Variants in CELF2 observed in about 807,000 individuals in gnomAD.
CELF2 encodes the protein CUG triplet repeat RNA-binding protein 2.
In CELF2, 8 loss-of-function variants were observed where a neutral mutation model predicts 62.6. The observed-to-expected ratio is 0.13, with a 90% confidence interval of 0.07 to 0.23. CELF2 has a LOEUF of 0.23. Ranked by LOEUF, CELF2 falls within the 10% of genes least tolerant of loss-of-function variation. The pLI is 1.00. For synonymous variants in CELF2, 258 were observed against 250.0 expected (o/e 1.03, Z -0.30); for missense variants, 333 against 671.0 (o/e 0.50, Z 5.56).
chr10:11,181,334 A>G (rs1320899283), intron 2 of CELF2, among the ~76,000 whole-genome samples: 5 of 152,020 alleles, frequency 3.3e-5, no homozygotes, highest in Admixed American at 3.3e-4. Flanking sequence ...CGGAATGAAT[A>G]CTCCTCTCGA....
Position 11,280,279 on chromosome 10 carries a change from C to T in CELF2, c.841+5159C>T, listed in dbSNP as rs1227666671. On this transcript the variant is annotated intron_variant, in intron 8 of 12. Transcript: ENST00000633077. The surrounding 1 kb of genome is among the most constrained non-coding windows in gnomAD (Gnocchi z 7.6). ...AATAAGGGGAGTTGCAGGAGAGGCC[C>T]CGCGCCCCATCCAGGAGCAGGCCTG... 5.3e-5 allele frequency among the ~76,000 whole-genome samples: 8 copies of T among 152,114 alleles called. No homozygotes were observed. Among genetic ancestry groups the T allele is most frequent in the Non-Finnish European group, 1.2e-4 (8 of 68,020 alleles).
intron 5 of CELF2, among the ~76,000 whole-genome samples, chr10:11,264,022 A>T (rs909635611): frequency 1.3e-5 from 2 of 152,106 alleles, no homozygotes; most frequent in Non-Finnish European, 2.9e-5. Flanking sequence ...CTTGACAGAA[A>T]CCCCTAAGGA....
chr10:11,266,249 G>A (rs1408948283), intron 5 of CELF2, among the ~76,000 whole-genome samples: 5 of 152,098 alleles, frequency 3.3e-5, no homozygotes, highest in East Asian at 1.9e-4. Flanking sequence ...CAGTCAAGGA[G>A]AAAATGGAAA....
At chr10:11,134,409 T>C (rs1044119356) in intron 1 of CELF2, among the ~76,000 whole-genome samples, 1 of 152,228 alleles carries the variant, frequency 6.6e-6, no homozygotes, top group Non-Finnish European at 1.5e-5. Context: ...CTGGGAACTT[T>C]CGGTAGCCAC....
exon 1 of CELF2, chr10:10,798,712 ACCCCAT>A: frequency 2.5e-6 from 1 of 398,636 alleles, no homozygotes; most frequent in Non-Finnish European, 4.4e-6. Context: ...GTTCCCCAGC[ACCCCAT>A]CCCCGCCTCC....
chr10:10,806,857 G>C lies in CELF2; in HGVS notation c.53+8040G>C, dbSNP rs183094657. ...TGGAAGGATCCAGTCCGGTTTTACA[G>C]GTAAATAATATAAACTCCCCAAAAC... On this transcript the variant is annotated intron_variant, in intron 1 of 13. Coordinates refer to the CELF2 transcript ENST00000636488. Among the ~76,000 whole-genome samples the C allele has an allele frequency of 2.6e-3, 397 of 152,204 alleles. 2 individuals carry two copies. Among genetic ancestry groups the C allele is most frequent in the African/African-American group, 9.1e-3 (378 of 41,526 alleles).
chr10:11,280,279 C>A lies in CELF2; in HGVS notation c.841+5159C>A, dbSNP rs1227666671. 3.9e-5 allele frequency among the ~76,000 whole-genome samples: 6 copies of A among 152,114 alleles called. No homozygotes were observed. The highest frequency in any genetic ancestry group is 5.9e-5 in the Non-Finnish European group (4 of 68,020). ...AATAAGGGGAGTTGCAGGAGAGGCC[C>A]CGCGCCCCATCCAGGAGCAGGCCTG... On this transcript the variant is annotated intron_variant, in intron 8 of 12. Coordinates refer to ENST00000633077, the MANE Select transcript of CELF2 (RefSeq NM_001326342.2). This position sits in a 1 kb window ranked among gnomAD's most constrained non-coding sequence, Gnocchi z 7.6.
At chr10:10,866,265 C>A (rs1031793212) in intron 1 of CELF2, among the ~76,000 whole-genome samples, 4 of 152,072 alleles carry the variant, frequency 2.6e-5, no homozygotes, top group African/African-American at 9.7e-5. Context: ...TTCCTTCCAT[C>A]TTGGAATGCC....
At chr10:11,174,760 G>A (rs186123101) in intron 2 of CELF2, among the ~76,000 whole-genome samples, 33 of 152,290 alleles carry the variant, frequency 2.2e-4, no homozygotes, top group Admixed American at 1.8e-3. Context: ...AGCTTTGTCT[G>A]CATTTACTAA....
At chr10:11,105,202 C>T (rs1268267107) in intron 1 of CELF2, among the ~76,000 whole-genome samples, 2 of 152,178 alleles carry the variant, frequency 1.3e-5, no homozygotes, top group Non-Finnish European at 2.9e-5. Context: ...TTTTTACCAC[C>T]TGCAGTCCTA....
the CELF2 span, chr10:10,786,665 G>A: frequency 6.6e-6 from 1 of 152,210 alleles, no homozygotes; most frequent in East Asian, 1.9e-4. Flanking sequence ...GGAGGTCACA[G>A]GGAAGTAGAG....
intron 2 of CELF2, among the ~76,000 whole-genome samples, chr10:11,188,015 C>T (rs886963293): frequency 1.3e-5 from 2 of 152,138 alleles, no homozygotes; most frequent in Non-Finnish European, 2.9e-5. Flanking sequence ...ATTTCTTGGG[C>T]AGCCAATCAT....
the CELF2 span, among the ~76,000 whole-genome samples, chr10:10,655,415 T>C: frequency 8.0e-6 from 1 of 125,570 alleles, no homozygotes. Context: ...CATCGCCAAG[T>C]CAATCCTAAG....
chr10:10,727,580 T>C, the CELF2 span, among the ~76,000 whole-genome samples: 1 of 151,694 alleles, frequency 6.6e-6, no homozygotes, highest in Non-Finnish European at 1.5e-5. Context: ...ATCGAGACCA[T>C]CCTGGCTAAC....
Position 10,932,676 on chromosome 10 carries a change from A to ATGTGTGTGTGTG in CELF2, c.89+12685_89+12696dup, listed in dbSNP as rs72121252. On this transcript the variant is annotated intron_variant, in intron 2 of 13. Coordinates refer to the CELF2 transcript ENST00000636488. The stretch of plus-strand genomic sequence containing the variant: ...CATGATAAAGTAAATATGTATGTGT[A>ATGTGTGTGTGTG]TGTGTGTGTGTGTGTGTGTATATAT... Among the ~76,000 whole-genome samples, 92 of 150,844 alleles carry ATGTGTGTGTGTG rather than the reference A, an allele frequency of 6.1e-4. 1 individual carries two copies. The highest frequency in any genetic ancestry group is 1.6e-3 in the African/African-American group (65 of 41,182).
At chr10:11,225,940 A>C (rs988317050) in intron 3 of CELF2, among the ~76,000 whole-genome samples, 1 of 152,202 alleles carries the variant, frequency 6.6e-6, no homozygotes, top group South Asian at 2.1e-4. Context: ...CCAGAGATTA[A>C]ATTAACTTCT....
intron 2 of CELF2, among the ~76,000 whole-genome samples, chr10:11,212,464 A>G (rs983759130): frequency 6.6e-6 from 1 of 152,210 alleles, no homozygotes; most frequent in Non-Finnish European, 1.5e-5. Flanking sequence ...AATCACAGTG[A>G]TGTGTTAGTG....
At chr10:10,898,513 G>T (rs2062719834) in intron 1 of CELF2, among the ~76,000 whole-genome samples, 1 of 152,204 alleles carries the variant, frequency 6.6e-6, no homozygotes, top group Non-Finnish European at 1.5e-5. Context: ...AAAGGCTATT[G>T]CCAGGGATAG....
intron 1 of CELF2, among the ~76,000 whole-genome samples, chr10:11,067,949 T>TA (rs2068607113): frequency 6.6e-6 from 1 of 152,174 alleles, no homozygotes; most frequent in African/African-American, 2.4e-5. Context: ...ACTTAGTAAA[T>TA]ACTTCCTTCA....
Sources: allele counts gnomAD v4.1 joint callset (sites outside exome capture counted in the v4.1 genomes callset), GRCh38; gene constraint gnomAD v4.1.1; non-coding constraint Gnocchi (gnomAD v3.1); transcripts MANE v1.5; gene names NCBI Gene and HGNC (gene_info 2026-07-23, HGNC 2026-07-21).